The following ELP4 variants were observed in gnomAD, a reference collection of about 807,000 sequenced individuals.
The protein encoded by ELP4 is elongator acetyltransferase complex subunit 4.
In ELP4, 51 loss-of-function variants were observed where a neutral mutation model predicts 48.9. That is an observed-to-expected ratio of 1.04 (90% CI 0.83 to 1.32). The LOEUF is 1.32. Ranked by LOEUF, ELP4 falls within the 40% of genes most tolerant of loss-of-function variation. The pLI is 0.00. For missense variants in ELP4, 519 were observed against 514.6 expected, an observed-to-expected ratio of 1.01 and a Z score of -0.08; for synonymous variants, 210 against 189.2, an observed-to-expected ratio of 1.11 and a Z score of -0.90.
chr11:31,742,527 G>T (rs890174358), intron 9 of ELP4, among the ~76,000 whole-genome samples: 5 of 152,198 alleles, frequency 3.3e-5, no homozygotes, highest in Non-Finnish European at 1.5e-5. Context: ...ACAAAGGGAA[G>T]CCCATCAGAC....
chr11:31,765,141 C>T (rs905856192), intron 9 of ELP4, among the ~76,000 whole-genome samples: 1 of 152,024 alleles, frequency 6.6e-6, no homozygotes, highest in African/African-American at 2.4e-5. Flanking sequence ...TTATTCATCA[C>T]CATGAAAAAC....
intron 3 of ELP4, among the ~76,000 whole-genome samples, chr11:31,560,736 A>G (rs76493787): frequency 0.061 from 3,579 of 58,952 alleles, 102 homozygotes; most frequent in African/African-American, 0.15. Context: ...ATAAAACAAC[A>G]TTGTTTTGTA....
rs34952028 is a variant in ELP4 at position 31,619,663 on chromosome 11, GT to G, written c.654-7436del. Among the ~76,000 whole-genome samples the G allele has an allele frequency of 5.9e-3, 850 of 145,298 alleles. 5 individuals carry two copies. Among genetic ancestry groups the G allele is most frequent in the African/African-American group, 0.014 (575 of 39,946 alleles). ...AAAATTTTCACCTCTGTTTTTTATT[GT>G]TTTTTTTTTTCAACTTTTAAATTCA... On this transcript the variant is annotated intron_variant, in intron 5 of 9. Coordinates refer to ENST00000640961, the MANE Select transcript of ELP4 (RefSeq NM_019040.5).
intron 7 of ELP4, among the ~76,000 whole-genome samples, chr11:31,642,866 T>A (rs1945128076): frequency 6.6e-6 from 1 of 151,852 alleles, no homozygotes; most frequent in African/African-American, 2.4e-5. Flanking sequence ...AAAAATGTAG[T>A]ATAAATAACT....
At chr11:31,576,070 G>A (rs1475273016) in intron 3 of ELP4, among the ~76,000 whole-genome samples, 1 of 152,106 alleles carries the variant, frequency 6.6e-6, no homozygotes, top group Non-Finnish European at 1.5e-5. Flanking sequence ...GACACACATA[G>A]GCTCAAAATA....
rs1947986659 is a variant in ELP4, at chr11:31,763,413, G to A, written c.1144-19980G>A. The stretch of plus-strand genomic sequence containing the variant: ...TGTGTCTCTTTTCTCTGAGGCAGTG[G>A]GTGCAAGACAACTACTTGAGACAAG... On this transcript the variant is annotated intron_variant, in intron 9 of 9. Transcript: ENST00000640961. 2.5e-6 allele frequency: 4 copies of A among 1,596,340 alleles called. No homozygotes were observed. The East Asian group carries it at 9.0e-5, about 36-fold the overall frequency.
intron 9 of ELP4, among the ~76,000 whole-genome samples, chr11:31,692,576 G>C (rs543523279): frequency 6.6e-6 from 1 of 152,120 alleles, no homozygotes; most frequent in East Asian, 1.9e-4. Flanking sequence ...TCTACTTCTT[G>C]CTCCATTGCT....
intron 9 of ELP4, among the ~76,000 whole-genome samples, chr11:31,726,213 A>C (rs545850054): frequency 6.6e-6 from 1 of 152,320 alleles, no homozygotes; most frequent in East Asian, 1.9e-4. Context: ...CATCAGATCA[A>C]GGGGTTATCA....
intron 9 of ELP4, chr11:31,727,746 G>A (rs755090774): frequency 3.9e-5 from 6 of 152,076 alleles, no homozygotes; most frequent in Admixed American, 6.5e-5. Flanking sequence ...AAGAATTATT[G>A]AATAATGAAG....
intron 2 of ELP4, among the ~76,000 whole-genome samples, chr11:31,531,959 G>A (rs546235371): frequency 2.6e-5 from 4 of 152,236 alleles, no homozygotes; most frequent in South Asian, 2.1e-4. Context: ...AGTTAAAGCC[G>A]TGATTATTTG....
At chr11:31,652,326 ACAAAC>A (rs1001877024) in intron 9 of ELP4, 47 of 151,738 alleles carry the variant, frequency 3.1e-4, no homozygotes, top group African/African-American at 1.1e-3. Flanking sequence ...AAGGAATCAA[ACAAAC>A]CAAATGGAAG....
intron 4 of ELP4, chr11:31,599,518 CACACAAAA>C (rs752741478): frequency 7.3e-5 from 1 of 13,632 alleles, no homozygotes; most frequent in African/African-American, 1.1e-4. Context: ...CACACACACA[CACACAAAA>C]AAAAAAAACC....
chr11:31,619,290 T>C (rs964023175), intron 5 of ELP4, among the ~76,000 whole-genome samples: 1 of 152,004 alleles, frequency 6.6e-6, no homozygotes, highest in Non-Finnish European at 1.5e-5. Flanking sequence ...TATAGGAGTT[T>C]AGTTAGTTCA....
At chr11:31,765,182 G>A (rs1243755113) in intron 9 of ELP4, among the ~76,000 whole-genome samples, 1 of 152,072 alleles carries the variant, frequency 6.6e-6, no homozygotes, top group Non-Finnish European at 1.5e-5. Flanking sequence ...CTCTGTTATG[G>A]TAATGGGTAT....
At position 31,574,819 on chromosome 11, in the gene ELP4, C is replaced by A. The variant is rs545907781; in HGVS notation, c.382-19951C>A. ...CAAAGACCAAAGGTAGATAAAACCA[C>A]AAATATCTGGAGAAACCAGAGCAGA... On this transcript the variant is annotated intron_variant, in intron 3 of 9. Transcript: ENST00000640961. Among the ~76,000 whole-genome samples the A allele has an allele frequency of 1.6e-3, 249 of 152,300 alleles. 2 individuals are homozygous for A. Among genetic ancestry groups the A allele is most frequent in the African/African-American group, 5.8e-3 (239 of 41,562 alleles).
At chr11:31,778,001 G>A in intron 9 of ELP4, among the ~76,000 whole-genome samples, 1 of 152,182 alleles carries the variant, frequency 6.6e-6, no homozygotes, top group East Asian at 1.9e-4. Context: ...AAAACCTGCA[G>A]TGGAATAGGA....
intron 9 of ELP4, among the ~76,000 whole-genome samples, chr11:31,757,246 C>A (rs749684155): frequency 6.6e-6 from 1 of 152,092 alleles, no homozygotes; most frequent in Non-Finnish European, 1.5e-5. Flanking sequence ...ATAAATTAGC[C>A]CCTGGGTTTT....
At chr11:31,658,119 C>T (rs1157029051) in intron 9 of ELP4, among the ~76,000 whole-genome samples, 1 of 151,810 alleles carries the variant, frequency 6.6e-6, no homozygotes, top group Non-Finnish European at 1.5e-5. Flanking sequence ...TCTGCCATGC[C>T]CTAAGCTGTA....
chr11:31,749,765 C>G (rs1228481708), intron 9 of ELP4, among the ~76,000 whole-genome samples: 1 of 151,698 alleles, frequency 6.6e-6, no homozygotes, highest in Non-Finnish European at 1.5e-5. Context: ...GAAAATAAAA[C>G]TAAATAAAAC....
Sources: gnomAD v4.1 joint callset for allele counts (sites outside exome capture counted in the v4.1 genomes callset) on GRCh38, gnomAD v4.1.1 for gene constraint, MANE v1.5 for transcripts, NCBI Gene and HGNC (gene_info 2026-07-23, HGNC 2026-07-21) for gene names.